The following XXYLT1 variants were observed in gnomAD, a reference collection of about 807,000 sequenced individuals.
The protein encoded by XXYLT1 is UDP-xylose:alpha-xyloside alpha-1,3-xylosyltransferase.
Under a neutral mutation model 28.9 loss-of-function variants are expected in XXYLT1, and 20 were observed. The observed-to-expected ratio is 0.69, with a 90% confidence interval of 0.49 to 1.00. XXYLT1 has a LOEUF of 1.00. XXYLT1 is among the 50% of genes least tolerant of loss of function. The pLI, the probability that XXYLT1 is intolerant of heterozygous loss-of-function variation, is 0.00. For missense variants in XXYLT1, 542 were observed against 560.1 expected, an observed-to-expected ratio of 0.97 and a Z score of 0.33; for synonymous variants, 257 against 253.8, an observed-to-expected ratio of 1.01 and a Z score of -0.12.
At chr3:195,112,955 G>A (rs1365374785) in intron 3 of XXYLT1, among the ~76,000 whole-genome samples, 1 of 152,234 alleles carries the variant, frequency 6.6e-6, no homozygotes, top group African/African-American at 2.4e-5. Flanking sequence ...AAGAGAACAT[G>A]GGTTTCAAAA....
chr3:195,087,620 G>C (rs770597525), intron 3 of XXYLT1, among the ~76,000 whole-genome samples: 2 of 152,238 alleles, frequency 1.3e-5, no homozygotes, highest in Non-Finnish European at 1.5e-5. Context: ...TGAACATAAA[G>C]AGTGGAATTT....
At chr3:195,109,851 T>A (rs1413739928) in intron 3 of XXYLT1, among the ~76,000 whole-genome samples, 1 of 40,808 alleles carries the variant, frequency 2.5e-5, no homozygotes, top group African/African-American at 9.2e-5. Flanking sequence ...GTGGTGTATG[T>A]GTGCCTGTGT....
At chr3:195,177,189 G>A (rs576747371) in intron 2 of XXYLT1, among the ~76,000 whole-genome samples, 2 of 152,154 alleles carry the variant, frequency 1.3e-5, no homozygotes, top group Non-Finnish European at 2.9e-5. Flanking sequence ...ATTAACTCGC[G>A]TAGTTCTACT....
chr3:195,103,308 A>G (rs113954522), intron 3 of XXYLT1, among the ~76,000 whole-genome samples: 3,418 of 129,230 alleles, frequency 0.026, 653 homozygotes, highest in Non-Finnish European at 0.037. Flanking sequence ...GCACCCCCAC[A>G]CCAGCGACCT....
rs533364718 is a variant in XXYLT1 at position 195,150,354 on chromosome 3, T to G, written c.785+6095A>C. ...AGTCCACACCCTCCCTTCTTCCCTC[T>G]GTGCTGGCGCTCACTCCCTCCCCAA... On this transcript the variant is annotated intron_variant, in intron 3 of 3. Coordinates refer to ENST00000310380, the MANE Select transcript of XXYLT1 (RefSeq NM_152531.5). This position sits in a 1 kb window ranked among gnomAD's most constrained non-coding sequence, Gnocchi z 4.7. Among the ~76,000 whole-genome samples the G allele has an allele frequency of 6.6e-6, 1 of 152,296 alleles. No homozygotes were observed. The highest frequency in any genetic ancestry group is 1.5e-5 in the Non-Finnish European group (1 of 68,006).
intron 1 of XXYLT1, among the ~76,000 whole-genome samples, chr3:195,264,589 T>C (rs1038196255): frequency 6.6e-6 from 1 of 152,250 alleles, no homozygotes; most frequent in Non-Finnish European, 1.5e-5. Flanking sequence ...ACTCACTCCA[T>C]ATTTATTTGT....
At chr3:195,110,343 G>GCA (rs1560100879) in intron 3 of XXYLT1, among the ~76,000 whole-genome samples, 4 of 5,152 alleles carry the variant, frequency 7.8e-4, no homozygotes, top group East Asian at 0.01. Flanking sequence ...GTGTATGTGT[G>GCA]TGGTGTGTGG....
intron 1 of XXYLT1, among the ~76,000 whole-genome samples, chr3:195,262,642 G>A (rs1466451100): frequency 6.6e-6 from 1 of 152,128 alleles, no homozygotes; most frequent in Non-Finnish European, 1.5e-5. Flanking sequence ...ATAAATCCCC[G>A]TCGATCAGTG....
At chr3:195,186,623 C>CA (rs987648971) in intron 2 of XXYLT1, among the ~76,000 whole-genome samples, 5 of 152,004 alleles carry the variant, frequency 3.3e-5, no homozygotes, top group African/African-American at 1.2e-4. Flanking sequence ...AATCCCCCCC[C>CA]ACACACCCTG....
chr3:195,088,421 C>G (rs1045713576), intron 3 of XXYLT1, among the ~76,000 whole-genome samples: 1 of 144,488 alleles, frequency 6.9e-6, no homozygotes, highest in Non-Finnish European at 1.5e-5. Context: ...CCCAGCGGGG[C>G]ACCTCACAGG....
At chr3:195,082,853 C>T (rs1024680537) in intron 3 of XXYLT1, among the ~76,000 whole-genome samples, 1 of 152,044 alleles carries the variant, frequency 6.6e-6, no homozygotes, top group African/African-American at 2.4e-5. Context: ...AGAAGGACCT[C>T]TCCCAAACTT....
At chr3:195,252,727 C>CAGAGAGAGAG (rs10649695) in intron 1 of XXYLT1, among the ~76,000 whole-genome samples, 6 of 119,010 alleles carry the variant, frequency 5.0e-5, no homozygotes, top group African/African-American at 2.4e-4. Context: ...CACACACACA[C>CAGAGAGAGAG]AGAGAGAGAG....
chr3:195,069,918 G>T lies in XXYLT1; in HGVS notation c.979C>A (p.His327Asn), dbSNP rs1244836124. The change falls in exon 4 of 4, where the codon CAC becomes AAC. Residue 327 changes from histidine (H) to asparagine (N), a missense_variant. Transcript: ENST00000310380. The stretch of plus-strand genomic sequence containing the variant: ...GTGAAGAAGTCCTGGTCCCCGAGGT[G>T]GCCGCGGAAGTGGTACTTGTCGGCC... ...QLADKYHFRG[H>N]LGDQDFFTMI... 6.2e-7 allele frequency: 1 copy of T among 1,613,784 alleles called. No individual in the cohort carries two copies. Among genetic ancestry groups the T allele is most frequent in the South Asian group, 1.1e-5 (1 of 91,088 alleles).
chr3:195,270,103 G>A, intron 1 of XXYLT1: 1 of 326,152 alleles, frequency 3.1e-6, no homozygotes, highest in South Asian at 2.4e-5. Context: ...AGAGCAATGA[G>A]AAGTGTCACT....
At chr3:195,192,217 G>T (rs947800005) in intron 2 of XXYLT1, among the ~76,000 whole-genome samples, 1 of 152,162 alleles carries the variant, frequency 6.6e-6, no homozygotes, top group African/African-American at 2.4e-5. Context: ...CAGATCAGGA[G>T]TTTGAGACCA....
intron 3 of XXYLT1, among the ~76,000 whole-genome samples, chr3:195,135,268 T>A (rs1391502544): frequency 6.6e-6 from 1 of 152,094 alleles, no homozygotes; most frequent in Non-Finnish European, 1.5e-5. Context: ...ATCAACAGAA[T>A]CTATAATGGT....
At chr3:195,193,040 C>G (rs1722487057) in intron 2 of XXYLT1, among the ~76,000 whole-genome samples, 1 of 152,148 alleles carries the variant, frequency 6.6e-6, no homozygotes, top group African/African-American at 2.4e-5. Flanking sequence ...AATCCTAGCA[C>G]TTTAGGAGGC....
In XXYLT1 at chr3:195,069,373, C is replaced by T. The variant is rs772827069; in HGVS notation, c.*342G>A. 10 of 268,884 alleles carry T rather than the reference C, an allele frequency of 3.7e-5. No individual in the cohort carries two copies. The highest frequency in any genetic ancestry group is 6.9e-5 in the East Asian group (1 of 14,490). The allele number at this position is 268,884 out of a possible 1,614,324, so 16.7% of individuals were successfully genotyped here. On this transcript the variant is annotated 3_prime_UTR_variant, in exon 4 of 4. Coordinates refer to ENST00000310380, the MANE Select transcript of XXYLT1 (RefSeq NM_152531.5). ...AAATTTATATTGGTCCAAAAAAGGC[C>T]GGGTCTAAAGGATTTCCATTCCTCA... is the stretch of plus-strand genomic sequence containing the variant.
At chr3:195,270,272 G>C in intron 1 of XXYLT1, 1 of 626,892 alleles carries the variant, frequency 1.6e-6, no homozygotes, top group South Asian at 2.2e-5. Context: ...TAGCAAAATG[G>C]GGGCGCGCGG....
Sources: gnomAD v4.1 joint callset for allele counts (sites outside exome capture counted in the v4.1 genomes callset) on GRCh38, gnomAD v4.1.1 for gene constraint, Gnocchi (gnomAD v3.1) non-coding constraint, MANE v1.5 for transcripts, NCBI Gene and HGNC (gene_info 2026-07-23, HGNC 2026-07-21) for gene names.